EML4: variants seen among roughly 807,000 people sequenced by gnomAD.
The protein encoded by EML4 is EMAP like 4.
Under a neutral mutation model 129.0 loss-of-function variants are expected in EML4, and 72 were observed. That is an observed-to-expected ratio of 0.56 (90% CI 0.46 to 0.68). The LOEUF (loss-of-function observed/expected upper bound fraction) is 0.68. EML4 is among the 30% of genes least tolerant of loss of function. The probability of loss-of-function intolerance (pLI) is 0.00; values close to 1 mark genes in which losing one functional copy is unlikely to be tolerated. For missense variants in EML4, 1,363 were observed against 1,190.6 expected, an observed-to-expected ratio of 1.14 and a Z score of -2.13; for synonymous variants, 532 against 405.0, an observed-to-expected ratio of 1.31 and a Z score of -3.77.
At chr2:42,187,883 G>A (rs921020973) in intron 1 of EML4, among the ~76,000 whole-genome samples, 1 of 151,768 alleles carries the variant, frequency 6.6e-6, no homozygotes, top group Non-Finnish European at 1.5e-5. Context: ...TTTTTCTTTT[G>A]TAGTTTATAC....
At chr2:42,274,310 A>G (rs1480620055) in intron 6 of EML4, among the ~76,000 whole-genome samples, 2 of 152,220 alleles carry the variant, frequency 1.3e-5, no homozygotes, top group South Asian at 4.1e-4. Flanking sequence ...AACTTTCAGG[A>G]GAAAGATGCT....
At chr2:42,241,482 A>G (rs1392496398) in intron 1 of EML4, among the ~76,000 whole-genome samples, 1 of 152,180 alleles carries the variant, frequency 6.6e-6, no homozygotes, top group Non-Finnish European at 1.5e-5. Context: ...AAACTGAGAT[A>G]CTTGAACATG....
At chr2:42,273,896 A>C (rs146644700) in intron 6 of EML4, among the ~76,000 whole-genome samples, 3 of 152,158 alleles carry the variant, frequency 2.0e-5, no homozygotes, top group Admixed American at 2.0e-4. Flanking sequence ...TACAGATTCC[A>C]TTGTTTCATT....
chr2:42,245,652 A>T lies in EML4; in HGVS notation c.173A>T (p.His58Leu). The change falls in exon 2 of 23, where the codon CAT (histidine) becomes CTT (leucine). Residue 58 changes from histidine (H) to leucine (L), a missense_variant. His to Leu is a moderately conservative substitution (Grantham distance 99). Transcript: ENST00000318522. ...AGGCGTCTTGCAATCTCTGAAGATC[A>T]TGTGGCCTCAGTGAAAAAATCAGTC... ...VLRRLAISED[H>L]VASVKKSVSS... is the part of the protein sequence containing the mutation. The T allele has an allele frequency of 6.2e-7, 1 of 1,612,014 alleles. No homozygotes were observed.
At chr2:42,324,269 T>C (rs1387460001) in intron 19 of EML4, among the ~76,000 whole-genome samples, 2 of 152,142 alleles carry the variant, frequency 1.3e-5, no homozygotes, top group Admixed American at 6.5e-5. Context: ...CACTCCAGAC[T>C]GGGCAACAGA....
chr2:42,329,964 TC>T lies in EML4; in HGVS notation c.2705del (p.Pro902LeufsTer5). Reference protein sequence around the residue: ...VIQSNTPTPPPSQPLNETAEE... With the variant: ...VIQSNTPTPPXSQPLNETAEE... ...TCCAATCTAATACTCCCACACCGCCTCCTTCTCAGCCCTTAAATGAGACAGC... is the reference window on the plus strand; with the variant it reads ...TCCAATCTAATACTCCCACACCGCCTCTTCTCAGCCCTTAAATGAGACAGC... On this transcript the variant is annotated frameshift_variant, in exon 23 of 23. Coordinates refer to ENST00000318522, the MANE Select transcript of EML4 (RefSeq NM_019063.5). LOFTEE classifies it high-confidence loss of function. 6.2e-7 allele frequency: 1 copy of T among 1,613,834 alleles called. No homozygotes were observed.
intron 3 of EML4, 102 bp from the exon 4 acceptor site, chr2:42,261,019 A>G (rs1665700171): frequency 1.2e-6 from 1 of 859,102 alleles, no homozygotes; most frequent in Non-Finnish European, 1.8e-6. Context: ...TATTAGCTGT[A>G]TGACTTAGGG....
intron 18 of EML4, 74 bp downstream of exon 18, chr2:42,316,124 A>G (rs2103788574): frequency 1.0e-6 from 1 of 1,001,700 alleles, no homozygotes; most frequent in Non-Finnish European, 1.6e-6. Flanking sequence ...TTTTACTTCT[A>G]ATAAGGCTGA....
Position 42,263,369 on chromosome 2 carries a change from A to G in EML4, c.641+63A>G, listed in dbSNP as rs114805293. ...ATAATTATTTGGCTATTATGTTTGC[A>G]TGTACAGTTATGTATGTCTGGTTTG... On this transcript the variant is annotated intron_variant, in intron 5 of 22. Transcript: ENST00000318522. 1,127 of 871,312 alleles carry G rather than the reference A, an allele frequency of 1.3e-3. 7 individuals carry two copies. In the African/African-American group the frequency reaches 0.019, roughly 14 times the overall value. 54.0% of individuals were successfully genotyped at this position (871,312 alleles called of 1,614,324 possible). A position where few individuals can be genotyped will look rare whatever the true frequency, so the allele number is the denominator to read the frequency against.
chr2:42,265,004 C>G (rs1274485732), intron 6 of EML4: 1 of 1,497,022 alleles, frequency 6.7e-7, no homozygotes, highest in East Asian at 2.5e-5. Context: ...TTTCCTGGAT[C>G]TCTTATTTGG....
intron 1 of EML4, among the ~76,000 whole-genome samples, chr2:42,244,597 G>C (rs1020985996): frequency 6.6e-6 from 1 of 152,076 alleles, no homozygotes; most frequent in East Asian, 1.9e-4. Context: ...TTTTAAGAGA[G>C]GTTGTGGTGT....
chr2:42,284,518 G>T, intron 8 of EML4, 116 bp from the exon 9 acceptor site: 1 of 574,710 alleles, frequency 1.7e-6, no homozygotes, highest in East Asian at 3.1e-5. Context: ...GAAGAAAACA[G>T]ATAAACGTAT....
At chr2:42,304,434 T>C in intron 16 of EML4, 50 bp from the exon 17 acceptor site, 1 of 1,449,372 alleles carries the variant, frequency 6.9e-7, no homozygotes, top group Non-Finnish European at 9.7e-7. Flanking sequence ...ACTGTCCCCA[T>C]AGGGAGACTT....
At chr2:42,307,618 A>C (rs942994351) in intron 17 of EML4, among the ~76,000 whole-genome samples, 1 of 152,222 alleles carries the variant, frequency 6.6e-6, no homozygotes, top group Non-Finnish European at 1.5e-5. Flanking sequence ...GGCCTGAAAA[A>C]AGTCACACCT....
intron 6 of EML4, among the ~76,000 whole-genome samples, chr2:42,266,551 C>T (rs1666074946): frequency 6.6e-6 from 1 of 151,872 alleles, no homozygotes; most frequent in Non-Finnish European, 1.5e-5. Flanking sequence ...ACTTTGTTGC[C>T]TAGGTTGGTC....
At chr2:42,213,262 C>G (rs2104037738) in intron 1 of EML4, among the ~76,000 whole-genome samples, 1 of 152,286 alleles carries the variant, frequency 6.6e-6, no homozygotes, top group South Asian at 2.1e-4. Flanking sequence ...CTACTACTCC[C>G]CCTCCCACAT....
intron 16 of EML4, 52 bp from the exon 17 acceptor site, chr2:42,304,432 C>T: frequency 7.1e-7 from 1 of 1,418,434 alleles, no homozygotes. Flanking sequence ...CTACTGTCCC[C>T]ATAGGGAGAC....
intron 21 of EML4, among the ~76,000 whole-genome samples, chr2:42,328,024 C>G (rs969044456): frequency 1.3e-4 from 20 of 152,128 alleles, no homozygotes; most frequent in Non-Finnish European, 2.6e-4. Context: ...ATAATTCTGT[C>G]CATAAACAAT....
chr2:42,215,219 C>A (rs931562717), intron 1 of EML4, among the ~76,000 whole-genome samples: 1 of 152,146 alleles, frequency 6.6e-6, no homozygotes, highest in Admixed American at 6.5e-5. Flanking sequence ...ACCACCACGC[C>A]TGGCTAACTT....
Sources: allele counts gnomAD v4.1 joint callset (sites outside exome capture counted in the v4.1 genomes callset), GRCh38; gene constraint gnomAD v4.1.1; transcripts MANE v1.5; gene names NCBI Gene and HGNC (gene_info 2026-07-23, HGNC 2026-07-21).